Variants in MYO3A observed in about 807,000 individuals in gnomAD.
MYO3A encodes the protein myosin IIIA.
MYO3A carries 180 observed loss-of-function variants against 192.7 expected under a neutral mutation model. The observed-to-expected ratio is 0.93, with a 90% CI of 0.83 to 1.06. The LOEUF (loss-of-function observed/expected upper bound fraction) is 1.06. Ranked by LOEUF, MYO3A falls within the 50% of genes least tolerant of loss-of-function variation. The pLI, the probability that MYO3A is intolerant of heterozygous loss-of-function variation, is 0.00. For missense variants in MYO3A, 1,896 were observed against 1,905.0 expected (o/e 1.00, Z 0.09); for synonymous variants, 628 against 645.3 (o/e 0.97, Z 0.41).
At chr10:26,201,884 G>C (rs1843692925) in intron 33 of MYO3A, among the ~76,000 whole-genome samples, 1 of 152,092 alleles carries the variant, frequency 6.6e-6, no homozygotes, top group South Asian at 2.1e-4. Context: ...TAGGTAATTT[G>C]CTTTTCTTGT....
At chr10:26,081,716 A>G (rs1835970507) in intron 14 of MYO3A, among the ~76,000 whole-genome samples, 1 of 152,186 alleles carries the variant, frequency 6.6e-6, no homozygotes, top group Non-Finnish European at 1.5e-5. Flanking sequence ...TAGGGGACCC[A>G]GGAAGCTCCC....
At chr10:26,207,916 C>T (rs1467891835) in intron 34 of MYO3A, among the ~76,000 whole-genome samples, 1 of 152,176 alleles carries the variant, frequency 6.6e-6, no homozygotes, top group Non-Finnish European at 1.5e-5. Flanking sequence ...CACGGAATAT[C>T]TTTCCATTTA....
In MYO3A at chr10:25,993,982, A is replaced by G. The variant is rs535523667; in HGVS notation, c.304-2508A>G. On this transcript the variant is annotated intron_variant, in intron 4 of 34. Coordinates refer to ENST00000642920, the MANE Select transcript of MYO3A (RefSeq NM_017433.5). ...TGCGGTGTGGTTCTGAGAAGAACGT[A>G]TATTCTGTTGATTTGGGGTAGAGAG... Among the ~76,000 whole-genome samples the G allele has an allele frequency of 3.9e-5, 6 of 152,310 alleles. No individual in the cohort carries two copies. In the East Asian group the frequency reaches 5.8e-4, roughly 15 times the overall value.
chr10:25,976,624 G>A (rs1838979634), intron 4 of MYO3A, among the ~76,000 whole-genome samples: 1 of 152,056 alleles, frequency 6.6e-6, no homozygotes, highest in Non-Finnish European at 1.5e-5. Flanking sequence ...GTTTTGTAAT[G>A]TTTGACTACA....
At chr10:26,211,352 G>C (rs1564649988) in intron 34 of MYO3A, among the ~76,000 whole-genome samples, 3 of 152,182 alleles carry the variant, frequency 2.0e-5, no homozygotes, top group Admixed American at 1.3e-4. Context: ...AAGCCAACAA[G>C]GCCCATAGCT....
chr10:26,079,899 G>T (rs561071350), intron 14 of MYO3A, among the ~76,000 whole-genome samples: 1 of 152,302 alleles, frequency 6.6e-6, no homozygotes, highest in East Asian at 1.9e-4. Context: ...CTGTTAATCT[G>T]TATGCTTTCC....
In MYO3A at chr10:26,024,075, A is replaced by T; in HGVS notation, c.785A>T (p.Asp262Val). 6.2e-7 allele frequency: 1 copy of T among 1,612,886 alleles called. No homozygotes were observed. Among genetic ancestry groups the T allele is most frequent in the Non-Finnish European group, 8.5e-7 (1 of 1,178,982 alleles). The part of the protein sequence containing the change: ...QPELWSAEFN[D>V]FISKCLTKDY... ...GAGCTATGGTCAGCAGAATTCAATG[A>T]CTTCATAAGCAAGTGAGTAAAAACA... The change falls in exon 9 of 35, where the codon GAC (aspartate) becomes GTC (valine). Residue 262 changes from aspartate to valine, a missense_variant. By Grantham distance (152) the Asp-to-Val change is radical. Transcript: ENST00000642920.
At chr10:26,183,949 G>A (rs550787734) in intron 31 of MYO3A, among the ~76,000 whole-genome samples, 31 of 152,294 alleles carry the variant, frequency 2.0e-4, no homozygotes, top group Middle Eastern at 3.4e-3. Flanking sequence ...TTAAGGGTAC[G>A]AAGGCTCAGG....
At chr10:25,934,478 GC>G (rs1408060315) in intron 1 of MYO3A, 150 bp downstream of exon 1, 1 of 152,128 alleles carries the variant, frequency 6.6e-6, no homozygotes, top group African/African-American at 2.4e-5. Context: ...GCGACCGCCC[GC>G]CCGCCCAGGT....
chr10:26,153,593 A>G (rs1010255388), intron 23 of MYO3A, among the ~76,000 whole-genome samples: 7 of 152,244 alleles, frequency 4.6e-5, no homozygotes, highest in South Asian at 2.1e-4. Flanking sequence ...CAAGTCTTCT[A>G]GCAATTCAAA....
At chr10:26,183,847 C>T (rs932017027) in intron 31 of MYO3A, among the ~76,000 whole-genome samples, 7 of 152,138 alleles carry the variant, frequency 4.6e-5, no homozygotes, top group Non-Finnish European at 7.4e-5. Flanking sequence ...AGGACAAGCA[C>T]GTACCCTTAG....
rs1457231504 is a variant in MYO3A at position 26,170,556 on chromosome 10, T to C, written c.3398+17T>C. 2.5e-6 allele frequency: 4 copies of C among 1,601,600 alleles called. No homozygotes were observed. The highest frequency in any genetic ancestry group is 1.7e-5 in the Admixed American group (1 of 59,374). ...AAATACAAGGTATAATGATGTTCAT[T>C]CTTATACCGTTGTAACATATAGATT... On this transcript the variant is annotated intron_variant, in intron 29 of 34. Coordinates refer to ENST00000642920, the MANE Select transcript of MYO3A (RefSeq NM_017433.5).
intron 32 of MYO3A, among the ~76,000 whole-genome samples, chr10:26,197,657 G>A (rs1478827003): frequency 3.3e-5 from 5 of 152,130 alleles, no homozygotes; most frequent in African/African-American, 7.2e-5. Flanking sequence ...TCCGCCTCCC[G>A]GGTTCAACCG....
intron 9 of MYO3A, 66 bp downstream of exon 9, chr10:26,024,153 A>G (rs1477234351): frequency 2.1e-5 from 29 of 1,408,006 alleles, no homozygotes; most frequent in Non-Finnish European, 2.6e-5. Flanking sequence ...ATCTCCTCCT[A>G]TTTCTTCTTA....
intron 4 of MYO3A, among the ~76,000 whole-genome samples, chr10:25,969,785 A>G (rs905902778): frequency 2.0e-5 from 3 of 152,158 alleles, no homozygotes; most frequent in African/African-American, 7.2e-5. Flanking sequence ...ATGAGACTGG[A>G]TTGTAATACC....
At chr10:25,959,111 A>T (rs1025686049) in intron 4 of MYO3A, among the ~76,000 whole-genome samples, 1 of 152,142 alleles carries the variant, frequency 6.6e-6, no homozygotes, top group Admixed American at 6.6e-5. Flanking sequence ...GTCGTCTGCA[A>T]ACAGGGATTG....
intron 15 of MYO3A, among the ~76,000 whole-genome samples, chr10:26,093,599 TTC>T (rs1049921394): frequency 2.0e-5 from 3 of 152,200 alleles, no homozygotes; most frequent in Non-Finnish European, 2.9e-5. Context: ...TGAATTTTTC[TTC>T]TGTTTTAGAT....
chr10:25,990,600 G>A (rs1352144417), intron 4 of MYO3A, among the ~76,000 whole-genome samples: 1 of 151,682 alleles, frequency 6.6e-6, no homozygotes, highest in Non-Finnish European at 1.5e-5. Context: ...CCATGTTGGT[G>A]TGTTGCACCC....
chr10:25,941,048 A>T (rs1478057579), intron 2 of MYO3A, among the ~76,000 whole-genome samples: 1 of 152,214 alleles, frequency 6.6e-6, no homozygotes, highest in African/African-American at 2.4e-5. Flanking sequence ...ATTAGGCTGA[A>T]TCAGTCAAGA....
Sources: gnomAD v4.1 joint callset for allele counts (sites outside exome capture counted in the v4.1 genomes callset) on GRCh38, gnomAD v4.1.1 for gene constraint, MANE v1.5 for transcripts, NCBI Gene and HGNC (gene_info 2026-07-23, HGNC 2026-07-21) for gene names.